Variants in JAM2 observed in about 807,000 individuals in gnomAD.
JAM2 encodes the protein junctional adhesion molecule B.
Under a neutral mutation model 42.0 loss-of-function variants are expected in JAM2, and 17 were observed. The observed-to-expected ratio is 0.40, with a 90% CI of 0.28 to 0.61. The LOEUF (loss-of-function observed/expected upper bound fraction) is 0.61, where lower values mean the gene tolerates loss of function less well. Among genes scored for constraint, JAM2 ranks in the 20% least tolerant of loss-of-function variants. The pLI, the probability that JAM2 is intolerant of heterozygous loss-of-function variation, is 0.37. For missense variants in JAM2, 319 were observed against 358.3 expected, an observed-to-expected ratio of 0.89 and a Z score of 0.89; for synonymous variants, 118 against 128.6, an observed-to-expected ratio of 0.92 and a Z score of 0.56.
chr21:25,681,052 A>G (rs540514716), intron 1 of JAM2, among the ~76,000 whole-genome samples: 2 of 152,354 alleles, frequency 1.3e-5, no homozygotes, highest in South Asian at 2.1e-4. Flanking sequence ...GACCACAGGA[A>G]GACAGAGAAC....
chr21:25,667,889 A>G (rs531944107), intron 1 of JAM2, among the ~76,000 whole-genome samples: 162 of 152,354 alleles, frequency 1.1e-3, no homozygotes, highest in African/African-American at 3.7e-3. Flanking sequence ...ATATCGTTTG[A>G]AAATATGAAA....
chr21:25,698,737 A>T lies in JAM2; in HGVS notation c.455A>T (p.Glu152Val). The change falls in exon 5 of 10, where the codon GAG (glutamate) becomes GTG (valine). Residue 152 changes from glutamate to valine, a missense_variant. Physicochemically the swap from Glu to Val is moderately radical, Grantham distance 121. Coordinates refer to ENST00000480456, the MANE Select transcript of JAM2 (RefSeq NM_021219.4). ...PSSALSGTVV[E>V]LRCQDKEGNP... ...TCTGCTCTGAGTGGAACTGTGGTAG[A>T]GCTACGATGTCAAGACAAAGAAGGG... 6.2e-7 allele frequency: 1 copy of T among 1,614,180 alleles called. No homozygotes were observed. Among genetic ancestry groups the T allele is most frequent in the Non-Finnish European group, 8.5e-7 (1 of 1,180,028 alleles).
chr21:25,660,325 T>C (rs929091304), intron 1 of JAM2, among the ~76,000 whole-genome samples: 3 of 152,190 alleles, frequency 2.0e-5, no homozygotes, highest in Non-Finnish European at 4.4e-5. Flanking sequence ...ACGTTAGCTG[T>C]ATAAGACAAA....
chr21:25,696,161 A>G (rs886708051), intron 4 of JAM2, among the ~76,000 whole-genome samples: 68 of 152,316 alleles, frequency 4.5e-4, no homozygotes, highest in East Asian at 1.2e-3. Flanking sequence ...CGAGGCTGGC[A>G]GATCACTCGC....
intron 1 of JAM2, chr21:25,643,458 AG>A (rs1213471131): frequency 5.3e-5 from 8 of 152,142 alleles, no homozygotes; most frequent in African/African-American, 1.7e-4. Context: ...CAACTGATAA[AG>A]ATTGTGGTAG....
intron 1 of JAM2, among the ~76,000 whole-genome samples, chr21:25,653,123 A>G (rs2123319080): frequency 6.6e-6 from 1 of 152,348 alleles, no homozygotes; most frequent in East Asian, 1.9e-4. Flanking sequence ...GTCAAAGCAC[A>G]TCACGTGGCC....
At chr21:25,647,905 T>C (rs888424112) in intron 1 of JAM2, among the ~76,000 whole-genome samples, 5 of 152,236 alleles carry the variant, frequency 3.3e-5, no homozygotes, top group Non-Finnish European at 5.9e-5. Context: ...ATGGTGTTTA[T>C]GTTTTTTAAA....
intron 7 of JAM2, among the ~76,000 whole-genome samples, chr21:25,708,947 C>G (rs2034327442): frequency 6.6e-6 from 1 of 152,122 alleles, no homozygotes; most frequent in Non-Finnish European, 1.5e-5. Flanking sequence ...AGACTACTAT[C>G]TGTGGACCAA....
rs936579112 is a variant in JAM2 at position 25,715,815 on chromosome 21, G to A, written c.*1143G>A. On this transcript the variant is annotated 3_prime_UTR_variant, in exon 10 of 10. Transcript: ENST00000480456. Reference sequence around the variant, plus strand: ...GAAAATTCCAATGATCCGTTTACCAGAGCAATTAGACTATGTTAAAAATTC... The same window carrying A: ...GAAAATTCCAATGATCCGTTTACCAAAGCAATTAGACTATGTTAAAAATTC... 2.1e-4 allele frequency: 32 copies of A among 152,266 alleles called. No individual in the cohort carries two copies. Among genetic ancestry groups the A allele is most frequent in the African/African-American group, 7.7e-4 (32 of 41,544 alleles). 9.4% of individuals were successfully genotyped at this position (152,266 alleles called of 1,614,324 possible).
At chr21:25,654,924 G>T (rs1464147248) in intron 1 of JAM2, among the ~76,000 whole-genome samples, 1 of 152,176 alleles carries the variant, frequency 6.6e-6, no homozygotes, top group Admixed American at 6.5e-5. Flanking sequence ...GGAAAGAGCA[G>T]GTCGGTGCTA....
At chr21:25,711,034 TGTGA>T (rs2034373065) in intron 8 of JAM2, among the ~76,000 whole-genome samples, 1 of 152,196 alleles carries the variant, frequency 6.6e-6, no homozygotes, top group Non-Finnish European at 1.5e-5. Context: ...GGATGTGGGC[TGTGA>T]GAGAAGCAGA....
chr21:25,704,212 AT>A (rs1224749927), intron 6 of JAM2, among the ~76,000 whole-genome samples: 1 of 152,102 alleles, frequency 6.6e-6, no homozygotes, highest in Non-Finnish European at 1.5e-5. Context: ...ATTACTGTAG[AT>A]TTTTTTCTCT....
intron 1 of JAM2, among the ~76,000 whole-genome samples, chr21:25,671,164 A>C (rs1030996408): frequency 6.6e-6 from 1 of 152,208 alleles, no homozygotes; most frequent in Non-Finnish European, 1.5e-5. Flanking sequence ...TGAATATCAG[A>C]TCATGGTCCG....
chr21:25,654,472 A>T (rs1044704588), intron 1 of JAM2, among the ~76,000 whole-genome samples: 5 of 151,896 alleles, frequency 3.3e-5, no homozygotes, highest in African/African-American at 7.2e-5. Context: ...ACATGGTGAA[A>T]CCCCCTCTCT....
intron 1 of JAM2, among the ~76,000 whole-genome samples, chr21:25,681,960 T>G (rs926071768): frequency 6.6e-6 from 1 of 152,182 alleles, no homozygotes; most frequent in African/African-American, 2.4e-5. Context: ...CCAGCCTGGG[T>G]GACAGAGCGA....
At chr21:25,685,302 C>A (rs1382496109) in intron 2 of JAM2, among the ~76,000 whole-genome samples, 1 of 151,702 alleles carries the variant, frequency 6.6e-6, no homozygotes, top group Non-Finnish European at 1.5e-5. Flanking sequence ...TAATCTCAAA[C>A]TCCTGAGGCC....
chr21:25,674,303 G>T (rs1379861315), intron 1 of JAM2, among the ~76,000 whole-genome samples: 1 of 152,166 alleles, frequency 6.6e-6, no homozygotes, highest in Non-Finnish European at 1.5e-5. Context: ...GCTGGGGCAT[G>T]AGAATCACTT....
intron 2 of JAM2, among the ~76,000 whole-genome samples, chr21:25,685,346 C>G (rs371831113): frequency 6.6e-6 from 1 of 151,238 alleles, no homozygotes; most frequent in East Asian, 2.0e-4. Context: ...AACATGAAGA[C>G]CCTGTTTCTA....
intron 1 of JAM2, among the ~76,000 whole-genome samples, chr21:25,677,108 G>A (rs1335899307): frequency 6.6e-6 from 1 of 151,934 alleles, no homozygotes; most frequent in Non-Finnish European, 1.5e-5. Context: ...ATGTTTGGAT[G>A]ACGGCTACAC....
Sources: gnomAD v4.1 joint callset for allele counts (sites outside exome capture counted in the v4.1 genomes callset) on GRCh38, gnomAD v4.1.1 for gene constraint, MANE v1.5 for transcripts, NCBI Gene and HGNC (gene_info 2026-07-23, HGNC 2026-07-21) for gene names.